Variants in CBS observed in about 807,000 individuals in gnomAD.
CBS encodes the protein beta-thionase.
For missense variants in CBS, 27 were observed against 124.8 expected, an observed-to-expected ratio of 0.22 and a Z score of 3.73; for synonymous variants, 23 against 52.2, an observed-to-expected ratio of 0.44 and a Z score of 2.41.
At chr21:43,056,913 AG>A in intron 15 of CBS, 26 bp from the exon 16 acceptor site, 1 of 141,458 alleles carries the variant, frequency 7.1e-6, no homozygotes. Context: ...GGTCAGTGGC[AG>A]GGGGAACATG....
At position 43,068,546 on chromosome 21, in the gene CBS, G is replaced by A. The variant is rs1983108444; in HGVS notation, c.279C>T (p.Asn93=). ...KIGDTPMVRI[N]KIGKKFGLKC... Reference sequence around the variant, plus strand: ...TCAGGCCGAACTTCTTCCCAATCTTGTTGATTCTGACCATAGGGGTGTCCC... The same window carrying A: ...TCAGGCCGAACTTCTTCCCAATCTTATTGATTCTGACCATAGGGGTGTCCC... The change falls in exon 4 of 17, where the codon AAC becomes AAT. Residue 93 remains asparagine, a synonymous_variant. Transcript: ENST00000398165. 1 of 396,462 alleles carries A rather than the reference G, an allele frequency of 2.5e-6. No homozygotes were observed. The highest frequency in any genetic ancestry group is 4.6e-6 in the Non-Finnish European group (1 of 216,730). The allele number at this position is 396,462 out of a possible 1,614,324, so 24.6% of individuals were successfully genotyped here.
rs121964969 is a variant in CBS, at chr21:43,063,931, C to T, written c.797G>A (p.Arg266Lys). ...GTGGTITGIA[R>K]KLKEKCPGCR... Reference sequence around the variant, plus strand: ...TCCAGGACACTTCTCCTTCAGCTTCCTGGCAATGCCCGTGATGGTGCCGCC... The same window carrying T: ...TCCAGGACACTTCTCCTTCAGCTTCTTGGCAATGCCCGTGATGGTGCCGCC... The change falls in exon 9 of 17, where the codon AGG becomes AAG. Residue 266 changes from arginine to lysine, a missense_variant. Transcript: ENST00000398165. The T allele has an allele frequency of 1.4e-5, 3 of 216,584 alleles. No individual in the cohort carries two copies. Among genetic ancestry groups the T allele is most frequent in the Non-Finnish European group, 2.7e-5 (3 of 110,860 alleles). The allele number at this position is 216,584 out of a possible 1,614,324, so 13.4% of individuals were successfully genotyped here.
chr21:43,062,016 TG>T (rs1377324884), intron 11 of CBS: 1 of 48,226 alleles, frequency 2.1e-5, no homozygotes, highest in East Asian at 4.6e-4. Flanking sequence ...CCAGGGGCCC[TG>T]GTGGACTTGA....
Sources: allele counts gnomAD v4.1 joint callset, GRCh38; gene constraint gnomAD v4.1.1; transcripts MANE v1.5; gene names NCBI Gene and HGNC (gene_info 2026-07-23, HGNC 2026-07-21).